The following TSC1 variants were observed in gnomAD, a reference collection of about 807,000 sequenced individuals.
The protein encoded by TSC1 is TSC complex subunit 1, also known as hamartin.
In TSC1, 20 loss-of-function variants were observed where a neutral mutation model predicts 124.3. That is an observed-to-expected ratio of 0.16 (90% CI 0.11 to 0.23). The LOEUF is 0.23. Among genes scored for constraint, TSC1 ranks in the 10% least tolerant of loss-of-function variants. TSC1 has a pLI of 1.00. For synonymous variants in TSC1, 493 were observed against 539.1 expected (o/e 0.91, Z 1.19); for missense variants, 1,124 against 1,448.5 (o/e 0.78, Z 3.64).
intron 8 of TSC1, among the ~76,000 whole-genome samples, chr9:132,914,690 T>TA (rs1237946244): frequency 4.8e-4 from 46 of 95,360 alleles, no homozygotes; most frequent in African/African-American, 1.0e-3. Flanking sequence ...AACCCCATCT[T>TA]AAAAAAAAAA....
rs768624733 is a variant in TSC1, at chr9:132,896,291, T to C, written c.3439A>G (p.Ser1147Gly). The change falls in exon 23 of 23, where the codon AGT becomes GGT. Residue 1147 changes from serine (S) to glycine (G), a missense_variant. By Grantham distance (56) the Ser-to-Gly change is moderately conservative (BLOSUM62 0). Around this residue, in one of 5 missense-constraint regions of TSC1, gnomAD observed 325 missense variants for 383.4 expected, o/e 0.85. Transcript: ENST00000298552. The surrounding 1 kb of genome is among the most constrained non-coding windows in gnomAD (Gnocchi z 4.5). ...GPHPSPPTPD[S>G]VGQLHIMDYN... Reference sequence around the variant, plus strand: ...TCCATGATATGTAGCTGTCCAACACTGTCCGGGGTCGGGGGAGACGGGTGA... The same window carrying C: ...TCCATGATATGTAGCTGTCCAACACCGTCCGGGGTCGGGGGAGACGGGTGA... 5.0e-6 allele frequency: 8 copies of C among 1,614,090 alleles called. No homozygotes were observed. In the African/African-American group the frequency reaches 6.7e-5, roughly 13 times the overall value.
intron 18 of TSC1, 195 bp from the exon 19 acceptor site, chr9:132,901,894 AAG>A: frequency 1.7e-6 from 1 of 576,672 alleles, no homozygotes; most frequent in South Asian, 2.2e-5. Context: ...TGTTTAACAA[AAG>A]AAAAAAAGAG....
chr9:132,945,006 C>G (rs1211925670), upstream of TSC1, among the ~76,000 whole-genome samples: 2 of 152,106 alleles, frequency 1.3e-5, no homozygotes, highest in Non-Finnish European at 2.9e-5. Flanking sequence ...CTGGCGGCGC[C>G]TGGGTGTGGT....
chr9:132,914,528 T>G (rs1846160996), intron 8 of TSC1, among the ~76,000 whole-genome samples: 1 of 152,150 alleles, frequency 6.6e-6, no homozygotes, highest in African/African-American at 2.4e-5. Flanking sequence ...TTAATTTTAT[T>G]GTAAGCAAAT....
intron 8 of TSC1, among the ~76,000 whole-genome samples, chr9:132,915,014 T>TACAACA (rs200477504): frequency 4.0e-5 from 6 of 151,540 alleles, no homozygotes; most frequent in Admixed American, 6.6e-5. Flanking sequence ...ACCCCATCTC[T>TACAACA]ACAACAACAA....
In TSC1 at chr9:132,921,764, G is replaced by T. The variant is rs1229542827; in HGVS notation, c.663+55C>A. ...GCCGTTAAATACAAAAGGTATAAAT[G>T]CAGCCTATCTAAACAGTATACTAAG... is the stretch of plus-strand genomic sequence containing the variant. On this transcript the variant is annotated intron_variant, in intron 7 of 22. Transcript: ENST00000298552. This position sits in a 1 kb window ranked among gnomAD's most constrained non-coding sequence, Gnocchi z 4.3. 6.2e-7 allele frequency: 1 copy of T among 1,604,264 alleles called. No homozygotes were observed. The highest frequency in any genetic ancestry group is 2.2e-5 in the East Asian group (1 of 44,842).
At chr9:132,913,952 T>A (rs1418370971) in intron 8 of TSC1, among the ~76,000 whole-genome samples, 1 of 134,208 alleles carries the variant, frequency 7.5e-6, no homozygotes, top group Non-Finnish European at 1.6e-5. Context: ...AGGCTGGAGT[T>A]CAGTGGCGCA....
chr9:132,931,818 G>A (rs1847218898), intron 2 of TSC1, among the ~76,000 whole-genome samples: 1 of 152,192 alleles, frequency 6.6e-6, no homozygotes, highest in Non-Finnish European at 1.5e-5. Flanking sequence ...CAGAAAAAAA[G>A]ACATGGTTCA....
chr9:132,907,576 GC>G (rs1845739475), intron 12 of TSC1, among the ~76,000 whole-genome samples: 1 of 152,000 alleles, frequency 6.6e-6, no homozygotes, highest in African/African-American at 2.4e-5. Context: ...TGCAACCTCC[GC>G]CTCCTGGGTT....
chr9:132,918,116 A>C (rs1846358875), intron 8 of TSC1, among the ~76,000 whole-genome samples: 1 of 152,218 alleles, frequency 6.6e-6, no homozygotes. Context: ...AACCTCCTGG[A>C]ATCCCACTGT....
At chr9:132,900,897 T>G (rs1845340611) in intron 19 of TSC1, 60 bp from the exon 20 acceptor site, 6 of 1,611,330 alleles carry the variant, frequency 3.7e-6, no homozygotes, top group Non-Finnish European at 5.1e-6. Flanking sequence ...CACATAGACG[T>G]CATTAAACAG....
intron 19 of TSC1, among the ~76,000 whole-genome samples, chr9:132,901,075 C>T (rs1845350448): frequency 1.3e-5 from 2 of 152,144 alleles, no homozygotes; most frequent in Admixed American, 1.3e-4. Flanking sequence ...AGCACAAATG[C>T]AGTCCATCAA....
Position 132,895,904 on chromosome 9 carries a change from C to A in TSC1, c.*331G>T. On this transcript the variant is annotated 3_prime_UTR_variant, in exon 23 of 23. Coordinates refer to ENST00000298552, the MANE Select transcript of TSC1 (RefSeq NM_000368.5). ...GTTAGACTCAAAGATTAAATTTGGC[C>A]TCATATTGCACAGGTTCAAAGGACG... 2 of 399,258 alleles carry A rather than the reference C, an allele frequency of 5.0e-6. No individual in the cohort carries two copies. The highest frequency in any genetic ancestry group is 3.2e-5 in the South Asian group (1 of 31,292). 24.7% of individuals were successfully genotyped at this position (399,258 alleles called of 1,614,324 possible).
rs572611259 is a variant in TSC1, at chr9:132,911,562, G to A, written c.920C>T (p.Ala307Val). The part of the protein sequence containing the change: ...YADTQNSYGC[A>V]TSTPYSTSRL... ...AGACGTGGAGTAAGGGGTAGAAGTA[G>A]CACACCCTAAAATGGAAGAGAAGAA... The change falls in exon 10 of 23, where the codon GCT becomes GTT. Residue 307 changes from alanine to valine, a missense_variant. This residue lies in a region of TSC1 where 463 missense variants were observed against 606.8 expected (regional missense o/e 0.76). Coordinates refer to ENST00000298552, the MANE Select transcript of TSC1 (RefSeq NM_000368.5). 6.9e-6 allele frequency: 10 copies of A among 1,439,358 alleles called. No individual in the cohort carries two copies. The South Asian group carries it at 1.1e-4, about 16-fold the overall frequency. 89.2% of individuals were successfully genotyped at this position (1,439,358 alleles called of 1,614,324 possible). A position where few individuals can be genotyped will look rare whatever the true frequency, so the allele number is the denominator to read the frequency against.
rs753168838 is a variant in TSC1, at chr9:132,907,379, AT to A, written c.1264-10del. On this transcript the variant is annotated splice_polypyrimidine_tract_variant and intron_variant, in intron 12 of 22. Transcript: ENST00000298552. ...GAATCCATTCTCTCTTCCTGAAAAGATAAGTATCATTTATATCACAAGACGA... is the reference window on the plus strand; with the variant it reads ...GAATCCATTCTCTCTTCCTGAAAAGAAAGTATCATTTATATCACAAGACGA... 1 of 1,610,920 alleles carries A rather than the reference AT, an allele frequency of 6.2e-7. No individual in the cohort carries two copies. Among genetic ancestry groups the A allele is most frequent in the African/African-American group, 1.3e-5 (1 of 74,880 alleles).
Position 132,923,213 on chromosome 9 carries a change from C to T in TSC1, c.508+135G>A, listed in dbSNP as rs147046162. 4.3e-3 allele frequency: 5,451 copies of T among 1,260,022 alleles called. 20 individuals carry two copies. Among genetic ancestry groups the T allele is most frequent in the Admixed American group, 8.9e-3 (343 of 38,332 alleles). The allele number at this position is 1,260,022 out of a possible 1,614,324, so 78.1% of individuals were successfully genotyped here. On this transcript the variant is annotated intron_variant, in intron 6 of 22. Transcript: ENST00000298552. The surrounding 1 kb of genome is among the most constrained non-coding windows in gnomAD (Gnocchi z 4.2). The stretch of plus-strand genomic sequence containing the variant: ...GTAGTGGATGCACCCAAGATATTCC[C>T]TCATCTGTCTGGTGAAAACCACTCA...
In TSC1 at chr9:132,911,465, A is replaced by G. The variant is rs1845953694; in HGVS notation, c.1017T>C (p.Thr339=). 6.2e-7 allele frequency: 1 copy of G among 1,612,528 alleles called. No individual in the cohort carries two copies. Among genetic ancestry groups the G allele is most frequent in the African/African-American group, 1.3e-5 (1 of 74,834 alleles). Residue 339 remains threonine, a synonymous_variant, in exon 10 of 23, where the codon ACT becomes ACC. Coordinates refer to ENST00000298552, the MANE Select transcript of TSC1 (RefSeq NM_000368.5). The part of the protein sequence containing the change: ...TLSSPSTRLI[T]EPPQATLWSP... ...GTTGACACCATACTTGTGGTGGTTC[A>G]GTTATCAGCCGTGTCGATGGGGAAC... is the stretch of plus-strand genomic sequence containing the variant.
intron 8 of TSC1, among the ~76,000 whole-genome samples, chr9:132,916,643 CTTTT>C (rs1564493635): frequency 6.6e-6 from 1 of 152,184 alleles, no homozygotes; most frequent in Admixed American, 6.5e-5. Flanking sequence ...CTCTTCCTCA[CTTTT>C]TTGTGTGTCT....
At chr9:132,919,906 T>C (rs1212055788) in intron 8 of TSC1, among the ~76,000 whole-genome samples, 1 of 152,218 alleles carries the variant, frequency 6.6e-6, no homozygotes, top group Non-Finnish European at 1.5e-5. Flanking sequence ...CTTAACTACA[T>C]ACTGATGAAA....
Sources: allele counts gnomAD v4.1 joint callset (sites outside exome capture counted in the v4.1 genomes callset), GRCh38; gene constraint gnomAD v4.1.1; regional missense constraint gnomAD v4.1.1; non-coding constraint Gnocchi (gnomAD v3.1); transcripts MANE v1.5; gene names NCBI Gene and HGNC (gene_info 2026-07-23, HGNC 2026-07-21).